Variants in PI4KA observed in about 807,000 individuals in gnomAD.
The protein encoded by PI4KA is phosphatidylinositol 4-kinase alpha.
Under a neutral mutation model 271.4 loss-of-function variants are expected in PI4KA, and 122 were observed. The observed-to-expected ratio is 0.45, with a 90% CI of 0.39 to 0.52. The LOEUF (loss-of-function observed/expected upper bound fraction) is 0.52. Among genes scored for constraint, PI4KA ranks in the 20% least tolerant of loss-of-function variants. PI4KA has a pLI of 0.00. For missense variants in PI4KA, 1,969 were observed against 2,769.1 expected (o/e 0.71, Z 6.48); for synonymous variants, 1,041 against 1,078.8 (o/e 0.96, Z 0.69).
chr22:20,852,731 A>G (rs1927144448), intron 1 of PI4KA, among the ~76,000 whole-genome samples: 1 of 152,092 alleles, frequency 6.6e-6, no homozygotes, highest in Non-Finnish European at 1.5e-5. Flanking sequence ...TCTTGGCTTC[A>G]TGATACTGGA....
intron 1 of PI4KA, among the ~76,000 whole-genome samples, chr22:20,849,239 C>T (rs1021398546): frequency 3.3e-5 from 5 of 152,130 alleles, no homozygotes; most frequent in South Asian, 4.1e-4. Flanking sequence ...CTCTGTACAC[C>T]GTTGGTGGGA....
chr22:20,710,971 C>T (rs1475937473), intron 51 of PI4KA, 113 bp from the exon 52 acceptor site: 4 of 1,188,896 alleles, frequency 3.4e-6, no homozygotes, highest in Admixed American at 1.8e-5. Flanking sequence ...CCCTCCACCC[C>T]CAACAGGCAG....
chr22:20,803,419 A>C, intron 12 of PI4KA, 99 bp from the exon 13 acceptor site: 6 of 1,475,694 alleles, frequency 4.1e-6, no homozygotes, highest in Non-Finnish European at 5.6e-6. Context: ...CCCAAGTCTG[A>C]CCCAAAACTT....
chr22:20,770,617 C>T (rs1932832338), intron 19 of PI4KA, among the ~76,000 whole-genome samples: 1 of 148,268 alleles, frequency 6.7e-6, no homozygotes, highest in Non-Finnish European at 1.5e-5. Flanking sequence ...CACACACACA[C>T]ACACACACAC....
Position 20,825,560 on chromosome 22 carries a change from A to C in PI4KA, c.368-1146T>G, listed in dbSNP as rs576420220. On this transcript the variant is annotated intron_variant, in intron 3 of 54. Coordinates refer to ENST00000255882, the MANE Select transcript of PI4KA (RefSeq NM_058004.4). ...CAGTGAACCGAGGTCAGGCCACTGC[A>C]CTACAGCTTGGAGTGCAGACAGAGT... is the stretch of plus-strand genomic sequence containing the variant. Among the ~76,000 whole-genome samples, 658 of 152,292 alleles carry C rather than the reference A, an allele frequency of 4.3e-3. 3 individuals are homozygous for C. Among genetic ancestry groups the C allele is most frequent in the Non-Finnish European group, 7.5e-3 (510 of 68,020 alleles).
At chr22:20,783,576 C>T (rs1933969606) in intron 19 of PI4KA, among the ~76,000 whole-genome samples, 3 of 152,020 alleles carry the variant, frequency 2.0e-5, no homozygotes, top group South Asian at 2.1e-4. Flanking sequence ...ATGATGGCAT[C>T]GCCGCACTCC....
intron 45 of PI4KA, among the ~76,000 whole-genome samples, chr22:20,715,727 G>A (rs972863254): frequency 9.9e-5 from 15 of 152,154 alleles, no homozygotes; most frequent in African/African-American, 3.1e-4. Flanking sequence ...CACCCGCCTT[G>A]GCCTCCCAAA....
chr22:20,802,283 T>C (rs541300292), intron 13 of PI4KA, among the ~76,000 whole-genome samples, 178 bp from the exon 14 acceptor site: 17 of 152,326 alleles, frequency 1.1e-4, no homozygotes, highest in Non-Finnish European at 2.2e-4. Context: ...GGAAATAATA[T>C]GTTTAAATCA....
chr22:20,858,682 C>T lies in PI4KA; in HGVS notation c.44G>A (p.Gly15Asp), dbSNP rs1927981950. The change falls in exon 1 of 55, where the codon GGC (glycine) becomes GAC (aspartate). Residue 15 changes from glycine (G) to aspartate (D), a missense_variant. Gly to Asp is a moderately conservative substitution (Grantham distance 94). Around this residue, in one of 13 missense-constraint regions of PI4KA, gnomAD observed 540 missense variants for 555.5 expected, o/e 0.97. Transcript: ENST00000255882. ...PARGGGGGGG[G>D]GGGCSGSGSS... Reference sequence around the variant, plus strand: ...GCCGGAGCCGGAGCAGCCGCCGCCGCCTCCGCCTCCGCCTCCGCCTCCCCG... The same window carrying T: ...GCCGGAGCCGGAGCAGCCGCCGCCGTCTCCGCCTCCGCCTCCGCCTCCCCG... 1 of 1,452,128 alleles carries T rather than the reference C, an allele frequency of 6.9e-7. No individual in the cohort carries two copies. Among genetic ancestry groups the T allele is most frequent in the East Asian group, 3.0e-5 (1 of 33,570 alleles). 90.0% of individuals were successfully genotyped at this position (1,452,128 alleles called of 1,614,324 possible).
chr22:20,770,579 GACACACAC>G (rs528696021), intron 19 of PI4KA, among the ~76,000 whole-genome samples: 9,388 of 95,876 alleles, frequency 0.098, 429 homozygotes, highest in African/African-American at 0.12. Context: ...GCTGGACACG[GACACACAC>G]ACACACACAC....
At chr22:20,846,469 C>G (rs894983986) in intron 1 of PI4KA, among the ~76,000 whole-genome samples, 1 of 151,544 alleles carries the variant, frequency 6.6e-6, no homozygotes, top group Non-Finnish European at 1.5e-5. Flanking sequence ...TAAGTGGGAG[C>G]TGAATGATGA....
chr22:20,858,448 C>T, intron 1 of PI4KA, 122 bp downstream of exon 1: 3 of 669,444 alleles, frequency 4.5e-6, no homozygotes, highest in Non-Finnish European at 6.4e-6. Flanking sequence ...CTCAGGCGCC[C>T]CCTCCCGCAC....
intron 25 of PI4KA, among the ~76,000 whole-genome samples, chr22:20,752,274 C>T (rs1010394477): frequency 5.3e-5 from 8 of 152,304 alleles, no homozygotes; most frequent in East Asian, 3.9e-4. Flanking sequence ...TCTCGTGACC[C>T]CTGGCTGGCT....
At chr22:20,834,874 G>A (rs531832085) in intron 2 of PI4KA, among the ~76,000 whole-genome samples, 88 of 152,302 alleles carry the variant, frequency 5.8e-4, no homozygotes, top group Non-Finnish European at 1.0e-3. Flanking sequence ...CTGTACCACA[G>A]GAGCCTAAGG....
intron 32 of PI4KA, among the ~76,000 whole-genome samples, chr22:20,739,062 C>G (rs1929077316): frequency 1.4e-5 from 2 of 138,610 alleles, no homozygotes; most frequent in South Asian, 4.6e-4. Flanking sequence ...AAAAAAGCAA[C>G]TGGCTGGGCG....
chr22:20,781,171 C>T (rs1017026475), intron 19 of PI4KA, among the ~76,000 whole-genome samples: 2 of 152,168 alleles, frequency 1.3e-5, no homozygotes, highest in Non-Finnish European at 2.9e-5. Flanking sequence ...CCATCACACA[C>T]ACATAGGACC....
intron 1 of PI4KA, among the ~76,000 whole-genome samples, chr22:20,857,247 C>A (rs961616296): frequency 6.6e-6 from 1 of 152,212 alleles, no homozygotes; most frequent in Non-Finnish European, 1.5e-5. Flanking sequence ...GATTTAAATT[C>A]AGAGGTTCCA....
rs966800156 is a variant in PI4KA, at chr22:20,763,024, G to C, written c.2709-1638C>G. On this transcript the variant is annotated intron_variant, in intron 22 of 54. Coordinates refer to ENST00000255882, the MANE Select transcript of PI4KA (RefSeq NM_058004.4). ...TTTTTTTGCTTTTTTTTTTGGGGGG[G>C]GGGGGGGTTAGAGACAAGTTCTTGC... Among the ~76,000 whole-genome samples the C allele has an allele frequency of 4.1e-3, 388 of 94,796 alleles. 7 individuals carry two copies. Among genetic ancestry groups the C allele is most frequent in the Non-Finnish European group, 5.7e-3 (291 of 51,256 alleles). 62.2% of individuals were successfully genotyped at this position (94,796 alleles called of 152,430 possible). A position where few individuals can be genotyped will look rare whatever the true frequency, so the allele number is the denominator to read the frequency against.
chr22:20,847,162 A>G (rs1007003004), intron 1 of PI4KA, among the ~76,000 whole-genome samples: 1 of 152,016 alleles, frequency 6.6e-6, no homozygotes, highest in African/African-American at 2.4e-5. Flanking sequence ...AAAAAAAAAA[A>G]AAGTAATAGC....
Sources: gnomAD v4.1 joint callset for allele counts (sites outside exome capture counted in the v4.1 genomes callset) on GRCh38, gnomAD v4.1.1 for gene constraint, gnomAD v4.1.1 regional missense constraint, MANE v1.5 for transcripts, NCBI Gene and HGNC (gene_info 2026-07-23, HGNC 2026-07-21) for gene names.